AUTS2: variants seen among roughly 807,000 people sequenced by gnomAD.
AUTS2 encodes activator of transcription and developmental regulator AUTS2.
Under a neutral mutation model 112.4 loss-of-function variants are expected in AUTS2, and 17 were observed. The ratio of observed to expected loss-of-function variants is 0.15; its 90% CI spans 0.10 to 0.23. The LOEUF is 0.23. Among genes scored for constraint, AUTS2 ranks in the 10% least tolerant of loss-of-function variants. The probability of loss-of-function intolerance (pLI) is 1.00; values close to 1 mark genes in which losing one functional copy is unlikely to be tolerated. For missense variants in AUTS2, 1,510 were observed against 1,701.6 expected (o/e 0.89, Z 1.98); for synonymous variants, 751 against 702.7 (o/e 1.07, Z -1.09).
At chr7:70,655,352 C>G (rs1806714484) in intron 5 of AUTS2, among the ~76,000 whole-genome samples, 3 of 152,224 alleles carry the variant, frequency 2.0e-5, no homozygotes, top group African/African-American at 4.8e-5. Context: ...AAAGACATTT[C>G]TCTCCCATTA....
At chr7:69,698,686 G>T (rs570642235) in intron 1 of AUTS2, among the ~76,000 whole-genome samples, 1 of 152,260 alleles carries the variant, frequency 6.6e-6, no homozygotes, top group East Asian at 1.9e-4. Context: ...ATAATGTGTT[G>T]CCGAGTCAAT....
chr7:70,527,647 A>G (rs1215448037), intron 5 of AUTS2, among the ~76,000 whole-genome samples: 1 of 152,240 alleles, frequency 6.6e-6, no homozygotes, highest in African/African-American at 2.4e-5. Flanking sequence ...AAGAGAAAAG[A>G]AAACACTGGT....
At chr7:70,213,558 A>G (rs1811027086) in intron 4 of AUTS2, among the ~76,000 whole-genome samples, 2 of 149,806 alleles carry the variant, frequency 1.3e-5, no homozygotes, top group African/African-American at 4.9e-5. Flanking sequence ...AAAAAAAGTT[A>G]CTATTTTAAA....
intron 6 of AUTS2, among the ~76,000 whole-genome samples, chr7:70,748,301 C>T (rs976327124): frequency 1.1e-4 from 17 of 152,046 alleles, no homozygotes; most frequent in African/African-American, 4.1e-4. Flanking sequence ...TTTTATTTTC[C>T]TACAAAGTAT....
At chr7:70,244,585 G>A (rs1006785121) in intron 4 of AUTS2, among the ~76,000 whole-genome samples, 5 of 152,162 alleles carry the variant, frequency 3.3e-5, no homozygotes, top group African/African-American at 1.2e-4. Flanking sequence ...AGAACACACA[G>A]CAGTTCTGTG....
At chr7:70,478,312 A>G (rs1797658663) in intron 5 of AUTS2, among the ~76,000 whole-genome samples, 1 of 152,166 alleles carries the variant, frequency 6.6e-6, no homozygotes, top group Non-Finnish European at 1.5e-5. Flanking sequence ...GCATCCTTCT[A>G]ATAGAGTCTT....
intron 5 of AUTS2, among the ~76,000 whole-genome samples, chr7:70,621,787 T>C (rs1271442442): frequency 6.6e-6 from 1 of 151,596 alleles, no homozygotes; most frequent in Non-Finnish European, 1.5e-5. Flanking sequence ...CTTTGCTAGC[T>C]GTTCTGGGAC....
intron 1 of AUTS2, among the ~76,000 whole-genome samples, chr7:69,834,543 G>C (rs1243659994): frequency 6.6e-6 from 1 of 152,198 alleles, no homozygotes; most frequent in Non-Finnish European, 1.5e-5. Context: ...AGGAGGAATT[G>C]CTGCTTTATG....
chr7:70,011,682 G>A (rs534979338), intron 2 of AUTS2, among the ~76,000 whole-genome samples: 29 of 152,298 alleles, frequency 1.9e-4, no homozygotes, highest in Admixed American at 7.8e-4. Flanking sequence ...GCCGGAACAA[G>A]CAGTTCTTAG....
chr7:70,203,352 A>AG (rs1161900324), intron 4 of AUTS2, among the ~76,000 whole-genome samples: 1 of 147,810 alleles, frequency 6.8e-6, no homozygotes, highest in African/African-American at 2.5e-5. Context: ...AATAAAAAAA[A>AG]AAAAAAAAAA....
intron 5 of AUTS2, among the ~76,000 whole-genome samples, chr7:70,439,119 A>G (rs1303979797): frequency 6.6e-6 from 1 of 152,258 alleles, no homozygotes; most frequent in Non-Finnish European, 1.5e-5. Context: ...CCCTAAATGC[A>G]GGAGACACAC....
At chr7:70,127,750 T>A (rs574446291) in intron 3 of AUTS2, among the ~76,000 whole-genome samples, 1 of 152,314 alleles carries the variant, frequency 6.6e-6, no homozygotes, top group South Asian at 2.1e-4. Context: ...TTGTCTACTC[T>A]TATTATTCTG....
At chr7:69,865,941 T>C (rs899992610) in intron 1 of AUTS2, among the ~76,000 whole-genome samples, 1 of 152,226 alleles carries the variant, frequency 6.6e-6, no homozygotes, top group Admixed American at 6.5e-5. Flanking sequence ...ACGTTTTCCA[T>C]GTCTTCCTAC....
At position 70,712,641 on chromosome 7, in the gene AUTS2, G is replaced by C. The variant is rs78059392; in HGVS notation, c.742+14021G>C. The stretch of plus-strand genomic sequence containing the variant: ...TCTGTTTTCACAAGCCTTCCAGGTA[G>C]TTCTAATGCAGACGACTGTGGTCCA... On this transcript the variant is annotated intron_variant, in intron 6 of 18. Coordinates refer to ENST00000342771, the MANE Select transcript of AUTS2 (RefSeq NM_015570.4). 3.6e-3 allele frequency among the ~76,000 whole-genome samples: 544 copies of C among 152,298 alleles called. 5 individuals carry two copies. In the East Asian group the frequency reaches 0.038, roughly 11 times the overall value.
chr7:70,337,495 G>A (rs1791048078), intron 4 of AUTS2, among the ~76,000 whole-genome samples: 1 of 152,180 alleles, frequency 6.6e-6, no homozygotes, highest in South Asian at 2.1e-4. Context: ...TATGTAGCGT[G>A]CACTGTTCTG....
chr7:69,697,291 C>G (rs1797601046), intron 1 of AUTS2, among the ~76,000 whole-genome samples: 1 of 152,200 alleles, frequency 6.6e-6, no homozygotes, highest in African/African-American at 2.4e-5. Flanking sequence ...GTATAGGCTT[C>G]CTTTTCTTTT....
At position 70,694,772 on chromosome 7, in the gene AUTS2, G is replaced by A. The variant is rs1230416437; in HGVS notation, c.691-3797G>A. ...CGCTCCTCCCGCCGCCCGGGGCCTC[G>A]GCCGCGCTGGATGTGTGCGCGCGGC... is the stretch of plus-strand genomic sequence containing the variant. On this transcript the variant is annotated intron_variant, in intron 5 of 18. Coordinates refer to ENST00000342771, the MANE Select transcript of AUTS2 (RefSeq NM_015570.4). This position sits in a 1 kb window ranked among gnomAD's most constrained non-coding sequence, Gnocchi z 4.1. 1.3e-5 allele frequency: 2 copies of A among 149,438 alleles called. No homozygotes were observed. Among genetic ancestry groups the A allele is most frequent in the East Asian group, 4.0e-4 (2 of 4,960 alleles). 9.3% of individuals were successfully genotyped at this position (149,438 alleles called of 1,614,324 possible).
chr7:70,237,304 C>T (rs1485911039), intron 4 of AUTS2, among the ~76,000 whole-genome samples: 1 of 152,210 alleles, frequency 6.6e-6, no homozygotes, highest in Non-Finnish European at 1.5e-5. Context: ...ACAATTATCT[C>T]ATTGTAGTTT....
chr7:69,611,271 T>G (rs1406340531), intron 1 of AUTS2, among the ~76,000 whole-genome samples: 1 of 152,124 alleles, frequency 6.6e-6, no homozygotes, highest in Non-Finnish European at 1.5e-5. Flanking sequence ...TTTCCAGATG[T>G]GAGCCTAGGA....
Sources: gnomAD v4.1 joint callset for allele counts (sites outside exome capture counted in the v4.1 genomes callset) on GRCh38, gnomAD v4.1.1 for gene constraint, Gnocchi (gnomAD v3.1) non-coding constraint, MANE v1.5 for transcripts, NCBI Gene and HGNC (gene_info 2026-07-23, HGNC 2026-07-21) for gene names.